The following CLEC16A variants were observed in gnomAD, a reference collection of about 807,000 sequenced individuals.
CLEC16A encodes the protein protein CLEC16A.
CLEC16A carries 51 observed loss-of-function variants against 109.5 expected under a neutral mutation model. The observed-to-expected ratio is 0.47, with a 90% CI of 0.37 to 0.59. The LOEUF is 0.59. CLEC16A is among the 20% of genes least tolerant of loss of function. The pLI is 0.00. For missense variants in CLEC16A, 1,339 were observed against 1,394.0 expected (o/e 0.96, Z 0.63); for synonymous variants, 673 against 564.2 (o/e 1.19, Z -2.73).
chr16:11,133,263 C>T (rs545981694), intron 22 of CLEC16A, among the ~76,000 whole-genome samples: 3 of 151,512 alleles, frequency 2.0e-5, no homozygotes, highest in South Asian at 2.1e-4. Flanking sequence ...CACTTGAACC[C>T]GGGAGGTGGA....
At chr16:11,119,102 G>A (rs979496468) in intron 19 of CLEC16A, among the ~76,000 whole-genome samples, 11 of 152,166 alleles carry the variant, frequency 7.2e-5, no homozygotes, top group Admixed American at 2.6e-4. Context: ...TCAGGTTCAA[G>A]CGATTCTCCA....
chr16:10,979,252 CT>C, intron 8 of CLEC16A, 76 bp from the exon 9 acceptor site: 1 of 1,365,788 alleles, frequency 7.3e-7, no homozygotes, highest in Non-Finnish European at 1.0e-6. Flanking sequence ...ACACAGAAGG[CT>C]TTTGGCTTTG....
At chr16:10,996,317 A>G (rs1316954899) in intron 10 of CLEC16A, among the ~76,000 whole-genome samples, 1 of 152,172 alleles carries the variant, frequency 6.6e-6, no homozygotes, top group Non-Finnish European at 1.5e-5. Context: ...ACTTCCTGCA[A>G]AGTCCAGCGG....
intron 22 of CLEC16A, among the ~76,000 whole-genome samples, chr16:11,165,011 C>G (rs1181016917): frequency 6.6e-6 from 1 of 152,116 alleles, no homozygotes; most frequent in Admixed American, 6.5e-5. Context: ...TCCCCTCTCT[C>G]AGCTGGAAGG....
chr16:11,169,253 C>T (rs1321795328), intron 23 of CLEC16A, among the ~76,000 whole-genome samples: 2 of 152,118 alleles, frequency 1.3e-5, no homozygotes, highest in African/African-American at 4.8e-5. Flanking sequence ...AACTAGGAAA[C>T]CCCAGTGGCT....
intron 22 of CLEC16A, among the ~76,000 whole-genome samples, chr16:11,149,179 G>A (rs1397582607): frequency 6.6e-6 from 1 of 152,152 alleles, no homozygotes. Flanking sequence ...AGTCACCAGT[G>A]GTGGTGAGTC....
chr16:11,121,061 T>C (rs1292447647), intron 20 of CLEC16A, among the ~76,000 whole-genome samples: 1 of 152,248 alleles, frequency 6.6e-6, no homozygotes, highest in African/African-American at 2.4e-5. Context: ...CAAAGGCATA[T>C]ATAAATGTAA....
At chr16:11,039,926 G>A in intron 14 of CLEC16A, 50 bp downstream of exon 14, 1 of 1,589,168 alleles carries the variant, frequency 6.3e-7, no homozygotes, top group Non-Finnish European at 8.6e-7. Flanking sequence ...GTTGTAGGAA[G>A]CAGACCCCAC....
rs1436664422 is a variant in CLEC16A, at chr16:10,961,866, C to T, written c.210-589C>T. ...TGGCCAGGTCTTCTGTGGAATGTCC[C>T]CCAAAATGGGTTTGTCTCACTTTTC... is the stretch of plus-strand genomic sequence containing the variant. On this transcript the variant is annotated intron_variant, in intron 2 of 23. Coordinates refer to ENST00000409790, the MANE Select transcript of CLEC16A (RefSeq NM_015226.3). The surrounding 1 kb of genome is among the most constrained non-coding windows in gnomAD (Gnocchi z 4.3). Among the ~76,000 whole-genome samples the T allele has an allele frequency of 1.3e-5, 2 of 152,146 alleles. No individual in the cohort carries two copies. Among genetic ancestry groups the T allele is most frequent in the East Asian group, 1.9e-4 (1 of 5,194 alleles).
intron 19 of CLEC16A, among the ~76,000 whole-genome samples, chr16:11,069,366 C>T (rs951855723): frequency 6.6e-6 from 1 of 152,058 alleles, no homozygotes. Context: ...TCTGCTCAAG[C>T]AATCCACCCA....
At chr16:10,996,341 C>G (rs2044326713) in intron 10 of CLEC16A, among the ~76,000 whole-genome samples, 1 of 152,180 alleles carries the variant, frequency 6.6e-6, no homozygotes, top group South Asian at 2.1e-4. Context: ...TGCATCTGCC[C>G]CTACCTGGGG....
intron 7 of CLEC16A, among the ~76,000 whole-genome samples, chr16:10,974,393 T>C (rs2042942066): frequency 6.6e-6 from 1 of 152,212 alleles, no homozygotes. Context: ...CTCAAAGGGA[T>C]GATTAGAAGT....
chr16:11,144,730 G>A (rs910908346), intron 22 of CLEC16A, among the ~76,000 whole-genome samples: 6 of 152,360 alleles, frequency 3.9e-5, no homozygotes, highest in South Asian at 2.1e-4. Context: ...AGAGAGGGCC[G>A]TTGGTGACAT....
chr16:11,100,524 G>T (rs193300799), intron 19 of CLEC16A, among the ~76,000 whole-genome samples: 2 of 152,320 alleles, frequency 1.3e-5, no homozygotes, highest in East Asian at 3.9e-4. Context: ...TTACAAGATT[G>T]GGGTTTGGTT....
intron 11 of CLEC16A, among the ~76,000 whole-genome samples, chr16:11,010,147 G>A (rs2045312846): frequency 9.7e-6 from 1 of 102,696 alleles, no homozygotes; most frequent in Non-Finnish European, 1.9e-5. Context: ...GTGAGACCTT[G>A]TTTCTTAAAA....
intron 16 of CLEC16A, among the ~76,000 whole-genome samples, chr16:11,044,799 G>T (rs181971450): frequency 6.6e-6 from 1 of 152,154 alleles, no homozygotes; most frequent in African/African-American, 2.4e-5. Context: ...GGTGGCGCAT[G>T]CGTGTAATTG....
At chr16:11,063,263 T>G (rs972330924) in intron 19 of CLEC16A, among the ~76,000 whole-genome samples, 1 of 147,036 alleles carries the variant, frequency 6.8e-6, no homozygotes, top group Non-Finnish European at 1.5e-5. Flanking sequence ...TTTATTTGGT[T>G]TTTTTCTTCT....
chr16:11,030,665 G>T (rs1314326803), intron 13 of CLEC16A, among the ~76,000 whole-genome samples: 1 of 152,132 alleles, frequency 6.6e-6, no homozygotes, highest in Non-Finnish European at 1.5e-5. Flanking sequence ...TTTCTTTTAA[G>T]ACGGAGTCTC....
At chr16:11,130,204 A>G (rs1231496828) in intron 22 of CLEC16A, among the ~76,000 whole-genome samples, 1 of 152,188 alleles carries the variant, frequency 6.6e-6, no homozygotes, top group Non-Finnish European at 1.5e-5. Context: ...CTCAGCGCCT[A>G]GCTCTGTGCC....
Sources: allele counts gnomAD v4.1 joint callset (sites outside exome capture counted in the v4.1 genomes callset), GRCh38; gene constraint gnomAD v4.1.1; non-coding constraint Gnocchi (gnomAD v3.1); transcripts MANE v1.5; gene names NCBI Gene and HGNC (gene_info 2026-07-23, HGNC 2026-07-21).